Variants in PIN1 observed in about 807,000 individuals in gnomAD.
The protein encoded by PIN1 is peptidyl-prolyl cis-trans isomerase NIMA-interacting 1.
In PIN1, 8 loss-of-function variants were observed where a neutral mutation model predicts 19.9. That is an observed-to-expected ratio of 0.40 (90% confidence interval 0.24 to 0.72). The LOEUF (loss-of-function observed/expected upper bound fraction) is 0.72. PIN1 is among the 30% of genes least tolerant of loss of function. The pLI is 0.37. For missense variants in PIN1, 185 were observed against 226.5 expected, an observed-to-expected ratio of 0.82 and a Z score of 1.18; for synonymous variants, 86 against 90.8, an observed-to-expected ratio of 0.95 and a Z score of 0.30.
rs751613700 is a variant in PIN1 at position 9,838,560 on chromosome 19, G to A, written c.183G>A (p.Leu61=). 45 of 1,580,904 alleles carry A rather than the reference G, an allele frequency of 2.8e-5. No individual in the cohort carries two copies. The highest frequency in any genetic ancestry group is 4.0e-5 in the African/African-American group (3 of 74,632). The part of the protein sequence containing the change: ...EPARVRCSHL[L]VKHSQSRRPS... ...CCAGGGTCCGCTGCTCGCACCTGCTGGTGAAGCACAGCCAGTCACGGCGGC... is the reference window on the plus strand; with the variant it reads ...CCAGGGTCCGCTGCTCGCACCTGCTAGTGAAGCACAGCCAGTCACGGCGGC... The change falls in exon 2 of 4, where the codon CTG becomes CTA. Residue 61 remains leucine (L), a synonymous_variant. Transcript: ENST00000247970. This position sits in a 1 kb window ranked among gnomAD's most constrained non-coding sequence, Gnocchi z 5.8.
intron 1 of PIN1, chr19:9,836,846 C>G: frequency 7.8e-7 from 1 of 1,286,998 alleles, no homozygotes; most frequent in Non-Finnish European, 1.0e-6. Flanking sequence ...GAAGCGTTAC[C>G]CACTGCTGCC....
At chr19:9,841,529 G>A (rs1050698037) in intron 2 of PIN1, among the ~76,000 whole-genome samples, 1 of 152,220 alleles carries the variant, frequency 6.6e-6, no homozygotes, top group Admixed American at 6.5e-5. Context: ...GTCCCAGCCA[G>A]GTTGAGGAGG....
At chr19:9,840,415 A>C (rs886882054) in intron 2 of PIN1, among the ~76,000 whole-genome samples, 1 of 152,094 alleles carries the variant, frequency 6.6e-6, no homozygotes, top group Non-Finnish European at 1.5e-5. Context: ...ACAAAAAAAA[A>C]CACTTTTCCA....
Position 9,848,019 on chromosome 19 carries a change from C to A in PIN1, c.272-11C>A. ...CTGACCTGGCACTCCCATTCCGTTC[C>A]ATGTCCACAGGCTACATCCAGAAGA... is the stretch of plus-strand genomic sequence containing the variant. On this transcript the variant is annotated splice_polypyrimidine_tract_variant and intron_variant, in intron 2 of 3. Coordinates refer to ENST00000247970, the MANE Select transcript of PIN1 (RefSeq NM_006221.4). The A allele has an allele frequency of 2.5e-5, 40 of 1,575,612 alleles. No homozygotes were observed. Among genetic ancestry groups the A allele is most frequent in the Non-Finnish European group, 3.2e-5 (37 of 1,145,348 alleles).
At chr19:9,835,469 C>T (rs1389583637) in intron 1 of PIN1, 67 bp downstream of exon 1, 12 of 1,150,756 alleles carry the variant, frequency 1.0e-5, no homozygotes, top group Admixed American at 3.9e-5. Context: ...GAGCTCGCCC[C>T]TTGGGCGCGG....
chr19:9,839,344 A>G (rs564152844), intron 2 of PIN1, among the ~76,000 whole-genome samples: 23 of 149,682 alleles, frequency 1.5e-4, no homozygotes, highest in Non-Finnish European at 2.5e-4. Context: ...TGAGGCAGGG[A>G]GGCAGAGGTT....
chr19:9,848,274 T>C lies in PIN1; in HGVS notation c.382+134T>C. 14 of 654,300 alleles carry C rather than the reference T, an allele frequency of 2.1e-5. No individual in the cohort carries two copies. The South Asian group carries it at 2.4e-4, about 11-fold the overall frequency. 40.5% of individuals were successfully genotyped at this position (654,300 alleles called of 1,614,324 possible). On this transcript the variant is annotated intron_variant, in intron 3 of 3. Coordinates refer to ENST00000247970, the MANE Select transcript of PIN1 (RefSeq NM_006221.4). Reference sequence around the variant, plus strand: ...GTCCAGCAGGTGGCAGCACAGCCCCTTCCTCAGGCTTCAGAGGCTGCTCTG... The same window carrying C: ...GTCCAGCAGGTGGCAGCACAGCCCCCTCCTCAGGCTTCAGAGGCTGCTCTG...
intron 3 of PIN1, 41 bp downstream of exon 3, chr19:9,848,181 C>G (rs1219769468): frequency 9.7e-6 from 12 of 1,231,522 alleles, no homozygotes; most frequent in Non-Finnish European, 1.3e-5. Context: ...GGGACCCTTA[C>G]CACCCTGAGG....
chr19:9,836,964 G>A (rs962175199), intron 1 of PIN1: 22 of 656,268 alleles, frequency 3.4e-5, no homozygotes, highest in African/African-American at 5.6e-5. Flanking sequence ...TAGGCATTTT[G>A]TAGATGTGTG....
rs1447315703 is a variant in PIN1, at chr19:9,838,793, C to A, written c.271+145C>A. The A allele has an allele frequency of 1.6e-6, 1 of 640,800 alleles. No individual in the cohort carries two copies. The highest frequency in any genetic ancestry group is 2.7e-6 in the Non-Finnish European group (1 of 370,170). 39.7% of individuals were successfully genotyped at this position (640,800 alleles called of 1,614,324 possible). Reference sequence around the variant, plus strand: ...CAAAAACGCCAGTGCATGACCTGACCCTGACCTTCACAGCAGCCATTCTCT... The same window carrying A: ...CAAAAACGCCAGTGCATGACCTGACACTGACCTTCACAGCAGCCATTCTCT... On this transcript the variant is annotated intron_variant, in intron 2 of 3. Coordinates refer to ENST00000247970, the MANE Select transcript of PIN1 (RefSeq NM_006221.4). This position sits in a 1 kb window ranked among gnomAD's most constrained non-coding sequence, Gnocchi z 5.8.
At chr19:9,848,455 T>A in intron 3 of PIN1, 2 of 360,072 alleles carry the variant, frequency 5.6e-6, no homozygotes, top group Admixed American at 4.0e-5. Flanking sequence ...TGCCTCTTCC[T>A]TTTTGTGGTT....
intron 2 of PIN1, among the ~76,000 whole-genome samples, chr19:9,842,347 T>C (rs879336095): frequency 2.0e-5 from 3 of 152,158 alleles, no homozygotes; most frequent in Non-Finnish European, 2.9e-5. Flanking sequence ...GTGCCAGCTG[T>C]GTGGTCTTCA....
At chr19:9,836,830 A>C (rs1197746738) in intron 1 of PIN1, 1 of 1,286,926 alleles carries the variant, frequency 7.8e-7, no homozygotes, top group Non-Finnish European at 1.0e-6. Flanking sequence ...CAGAGTAAAC[A>C]CTCAGGAAGC....
intron 2 of PIN1, among the ~76,000 whole-genome samples, chr19:9,842,008 C>T (rs1466912262): frequency 1.3e-5 from 2 of 152,000 alleles, no homozygotes; most frequent in East Asian, 1.9e-4. Flanking sequence ...GAGGGTGTCT[C>T]GCCCATCTCT....
chr19:9,849,548 TCGAGGGCCGAATTGTTTCTAGTTAGGCC>T lies in PIN1; in HGVS notation c.*350_*377del, dbSNP rs778527530. ...GTCCCCCCAGGTGCTGGAGGCAGAC[TCGAGGGCCGAATTGTTTCTAGTTAGGCC>T]ACGCTCCTCTGTTCAGTCGCAAAGG... On this transcript the variant is annotated 3_prime_UTR_variant, in exon 4 of 4. Transcript: ENST00000247970. 1.7e-6 allele frequency: 1 copy of T among 603,574 alleles called. No individual in the cohort carries two copies. The highest frequency in any genetic ancestry group is 1.9e-5 in the Admixed American group (1 of 53,882). 37.4% of individuals were successfully genotyped at this position (603,574 alleles called of 1,614,324 possible). A position where few individuals can be genotyped will look rare whatever the true frequency, so the allele number is the denominator to read the frequency against.
intron 1 of PIN1, chr19:9,836,589 AC>A (rs1289798226): frequency 6.3e-6 from 2 of 319,570 alleles, no homozygotes; most frequent in South Asian, 2.6e-5. Context: ...ACTCCATGTC[AC>A]CCAGGCGAAC....
intron 2 of PIN1, among the ~76,000 whole-genome samples, chr19:9,843,909 A>C (rs952258225): frequency 6.6e-6 from 1 of 152,042 alleles, no homozygotes. Context: ...AAAAAGCCAG[A>C]TGTAGTGGCG....
intron 3 of PIN1, 118 bp downstream of exon 3, chr19:9,848,258 G>A: frequency 2.9e-6 from 2 of 684,436 alleles, no homozygotes; most frequent in East Asian, 2.7e-5. Flanking sequence ...GGTCCAGCAG[G>A]TGGCAGCACA....
chr19:9,841,998 G>A (rs142124564), intron 2 of PIN1, among the ~76,000 whole-genome samples: 43 of 152,280 alleles, frequency 2.8e-4, no homozygotes, highest in African/African-American at 9.4e-4. Flanking sequence ...TGTGGTGGGC[G>A]AGGGTGTCTC....
Sources: gnomAD v4.1 joint callset for allele counts (sites outside exome capture counted in the v4.1 genomes callset) on GRCh38, gnomAD v4.1.1 for gene constraint, Gnocchi (gnomAD v3.1) non-coding constraint, MANE v1.5 for transcripts, NCBI Gene and HGNC (gene_info 2026-07-23, HGNC 2026-07-21) for gene names.